Variants in F13B observed in about 807,000 individuals in gnomAD.
The protein encoded by F13B is coagulation factor XIII B chain.
F13B carries 58 observed loss-of-function variants against 79.8 expected under a neutral mutation model. The ratio of observed to expected loss-of-function variants is 0.73; its 90% CI spans 0.59 to 0.90. The LOEUF is 0.90. Among genes scored for constraint, F13B ranks in the 40% least tolerant of loss-of-function variants. The pLI, the probability that F13B is intolerant of heterozygous loss-of-function variation, is 0.00. For synonymous variants in F13B, 283 were observed against 260.3 expected, an observed-to-expected ratio of 1.09 and a Z score of -0.84; for missense variants, 773 against 777.0, an observed-to-expected ratio of 0.99 and a Z score of 0.06.
intron 10 of F13B, among the ~76,000 whole-genome samples, chr1:197,042,873 C>CT (rs1245109221): frequency 6.7e-6 from 1 of 149,620 alleles, no homozygotes; most frequent in African/African-American, 2.4e-5. Context: ...TTTGTTGACT[C>CT]TAAGTCTGAC....
intron 3 of F13B, 146 bp from the exon 4 acceptor site, chr1:197,061,221 C>T: frequency 2.1e-6 from 1 of 487,798 alleles, no homozygotes; most frequent in East Asian, 3.6e-5. Context: ...TTTTTCTTTG[C>T]CTCTATTCTC....
At chr1:197,051,315 A>G (rs1016071260) in intron 9 of F13B, among the ~76,000 whole-genome samples, 2 of 152,190 alleles carry the variant, frequency 1.3e-5, no homozygotes, top group Admixed American at 1.3e-4. Context: ...ATCCCACGTT[A>G]TAGTGTTTAC....
chr1:197,052,560 T>G (rs1655485546), intron 9 of F13B, 74 bp downstream of exon 9: 1 of 955,956 alleles, frequency 1.0e-6, no homozygotes, highest in Non-Finnish European at 1.6e-6. Context: ...AGCAACAAAC[T>G]ATAAATAAAT....
chr1:197,061,756 C>T lies in F13B; in HGVS notation c.451+28G>A, dbSNP rs773819748. 4 of 1,591,738 alleles carry T rather than the reference C, an allele frequency of 2.5e-6. No individual in the cohort carries two copies. In the Admixed American group the frequency reaches 6.7e-5, roughly 27 times the overall value. ...CAATATAAGCTTGATAAGCACTTAT[C>T]TTCAGTTTTAGGAAATGATTCTTAT... On this transcript the variant is annotated intron_variant, in intron 3 of 11. Transcript: ENST00000367412.
At chr1:197,050,642 G>T in intron 10 of F13B, 55 bp downstream of exon 10, 2 of 1,502,036 alleles carry the variant, frequency 1.3e-6, no homozygotes, top group Non-Finnish European at 1.8e-6. Context: ...AAAAATGACA[G>T]CAAATTAAAA....
rs753044467 is a variant in F13B at position 197,060,545 on chromosome 1, G to T, written c.629-3C>A. 1 of 1,547,216 alleles carries T rather than the reference G, an allele frequency of 6.5e-7. No homozygotes were observed. On this transcript the variant is annotated splice_polypyrimidine_tract_variant and splice_region_variant and intron_variant, in intron 4 of 11. Transcript: ENST00000367412. The stretch of plus-strand genomic sequence containing the variant: ...TCTTAAAGAAGAGCACTTTAATTCT[G>T]CAAATAAAAGAATGAATAAAATTAC...
chr1:197,040,944 G>T (rs1655017081), intron 10 of F13B, among the ~76,000 whole-genome samples: 1 of 151,902 alleles, frequency 6.6e-6, no homozygotes, highest in African/African-American at 2.4e-5. Flanking sequence ...TCTCTCTGTG[G>T]TCCTGGATTT....
At chr1:197,050,670 G>C (rs1444561183) in intron 10 of F13B, 27 bp downstream of exon 10, 3 of 1,600,728 alleles carry the variant, frequency 1.9e-6, no homozygotes. Flanking sequence ...GTTTTACTTT[G>C]TTAGAGGCAT....
Position 197,055,732 on chromosome 1 carries a change from GA to G in F13B, c.1336del (p.Ser446ProfsTer16), listed in dbSNP as rs1558308680. ...ISRCEQGKWS[S>X]PPVCLEPCTV... is the part of the protein sequence containing the mutation. ...TTTCTTACCCAAGCAAACAGGTGGG[GA>G]TGACCATTTTCCTTGTTCGCAACGA... On this transcript the variant is annotated frameshift_variant, in exon 8 of 12. Coordinates refer to ENST00000367412, the MANE Select transcript of F13B (RefSeq NM_001994.3). LOFTEE classifies it high-confidence loss of function. The G allele has an allele frequency of 1.9e-6, 3 of 1,613,436 alleles. No individual in the cohort carries two copies. Among genetic ancestry groups the G allele is most frequent in the Non-Finnish European group, 2.5e-6 (3 of 1,179,630 alleles).
At chr1:197,057,229 C>G (rs892716537) in intron 6 of F13B, 31 bp from the exon 7 acceptor site, 5 of 1,613,818 alleles carry the variant, frequency 3.1e-6, no homozygotes, top group Middle Eastern at 1.7e-4. Flanking sequence ...GAGAACTGAC[C>G]ATTTAGCTAC....
chr1:197,044,914 T>C (rs1451133283), intron 10 of F13B, among the ~76,000 whole-genome samples: 3 of 147,462 alleles, frequency 2.0e-5, no homozygotes, highest in African/African-American at 5.4e-5. Flanking sequence ...GACTACTAGA[T>C]AAATAACGAA....
intron 10 of F13B, among the ~76,000 whole-genome samples, chr1:197,044,025 C>T (rs967793515): frequency 1.3e-5 from 2 of 151,092 alleles, no homozygotes; most frequent in African/African-American, 2.4e-5. Flanking sequence ...TCCTATTCGG[C>T]CATCTTGGAA....
In F13B at chr1:197,055,752, G is replaced by C. The variant is rs149466650; in HGVS notation, c.1317C>G (p.Cys439Trp). The change falls in exon 8 of 12, where the codon TGC becomes TGG. Residue 439 changes from cysteine (C) to tryptophan (W), a missense_variant. Cys to Trp is a radical substitution (Grantham distance 215, BLOSUM62 -2). Transcript: ENST00000367412. ...GTGGGGATGACCATTTTCCTTGTTC[G>C]CAACGAGATATTTTTGATCCCCTCA... Reference protein sequence around the residue: ...YLLRGSKISRCEQGKWSSPPV... With the variant: ...YLLRGSKISRWEQGKWSSPPV... 10 of 1,613,092 alleles carry C rather than the reference G, an allele frequency of 6.2e-6. No homozygotes were observed. In the African/African-American group the frequency reaches 1.1e-4, roughly 17 times the overall value.
At chr1:197,045,373 C>A (rs1655191202) in intron 10 of F13B, among the ~76,000 whole-genome samples, 1 of 152,108 alleles carries the variant, frequency 6.6e-6, no homozygotes, top group Non-Finnish European at 1.5e-5. Flanking sequence ...TCAGAGAATA[C>A]TATAAACACT....
intron 10 of F13B, among the ~76,000 whole-genome samples, chr1:197,047,794 G>T (rs766991032): frequency 1.3e-5 from 2 of 152,096 alleles, no homozygotes; most frequent in Non-Finnish European, 2.9e-5. Context: ...TACACACCAT[G>T]GAATACTATG....
At chr1:197,063,142 G>GT (rs1655929490) in intron 1 of F13B, 85 bp from the exon 2 acceptor site, 1 of 1,206,748 alleles carries the variant, frequency 8.3e-7, no homozygotes, top group South Asian at 1.3e-5. Flanking sequence ...CAAACTAAAA[G>GT]TTTTTAGAGA....
rs1235358103 is a variant in F13B at position 197,038,985 on chromosome 1, A to G, written c.*393T>C. On this transcript the variant is annotated 3_prime_UTR_variant, in exon 12 of 12. Coordinates refer to ENST00000367412, the MANE Select transcript of F13B (RefSeq NM_001994.3). Reference sequence around the variant, plus strand: ...TAGTGTGTTTGGCCCTTTAATAGTGACATAAACTTTGAATTAAGGGTAACA... The same window carrying G: ...TAGTGTGTTTGGCCCTTTAATAGTGGCATAAACTTTGAATTAAGGGTAACA... Among the ~76,000 whole-genome samples, 1 of 152,072 alleles carries G rather than the reference A, an allele frequency of 6.6e-6. No homozygotes were observed. The highest frequency in any genetic ancestry group is 1.5e-5 in the Non-Finnish European group (1 of 67,996).
At chr1:197,058,117 C>T (rs758601817) in intron 5 of F13B, among the ~76,000 whole-genome samples, 27 of 152,162 alleles carry the variant, frequency 1.8e-4, no homozygotes, top group Non-Finnish European at 3.5e-4. Context: ...GACATTGTTA[C>T]GCACCAATAG....
At chr1:197,049,962 C>A (rs1178078965) in intron 10 of F13B, among the ~76,000 whole-genome samples, 1 of 151,878 alleles carries the variant, frequency 6.6e-6, no homozygotes, top group African/African-American at 2.4e-5. Flanking sequence ...AAAAATTAAA[C>A]ACAGATTGAA....
Sources: allele counts gnomAD v4.1 joint callset (sites outside exome capture counted in the v4.1 genomes callset), GRCh38; gene constraint gnomAD v4.1.1; transcripts MANE v1.5; gene names NCBI Gene and HGNC (gene_info 2026-07-23, HGNC 2026-07-21).